The following CNTNAP2 variants were observed in gnomAD, a reference collection of about 807,000 sequenced individuals.
CNTNAP2 encodes the protein contactin-associated protein-like 2.
A neutral mutation model predicts 155.2 loss-of-function variants in CNTNAP2; 98 were observed. The observed-to-expected ratio is 0.63, with a 90% CI of 0.54 to 0.75. The LOEUF (loss-of-function observed/expected upper bound fraction) is 0.75. CNTNAP2 is among the 30% of genes least tolerant of loss of function. The pLI, the probability that CNTNAP2 is intolerant of heterozygous loss-of-function variation, is 0.00. For missense variants in CNTNAP2, 1,727 were observed against 1,688.1 expected (o/e 1.02, Z -0.40); for synonymous variants, 651 against 631.2 (o/e 1.03, Z -0.47).
At chr7:148,137,114 TACA>T (rs1003413316) in intron 16 of CNTNAP2, among the ~76,000 whole-genome samples, 2 of 152,216 alleles carry the variant, frequency 1.3e-5, no homozygotes, top group African/African-American at 4.8e-5. Flanking sequence ...CTAACTCTTC[TACA>T]ACTTTAAAGG....
At chr7:148,382,924 T>C (rs1316979455) in intron 21 of CNTNAP2, among the ~76,000 whole-genome samples, 1 of 152,212 alleles carries the variant, frequency 6.6e-6, no homozygotes, top group East Asian at 1.9e-4. Flanking sequence ...GTGGGTACAT[T>C]GCACTTGTTA....
chr7:147,905,484 T>G (rs1218516553), intron 14 of CNTNAP2, among the ~76,000 whole-genome samples: 1 of 152,220 alleles, frequency 6.6e-6, no homozygotes, highest in Non-Finnish European at 1.5e-5. Context: ...GTATTTGTCC[T>G]CAGGAGCTCC....
At position 146,788,483 on chromosome 7, in the gene CNTNAP2, A is replaced by G. The variant is rs112659038; in HGVS notation, c.208+14102A>G. Among the ~76,000 whole-genome samples the G allele has an allele frequency of 5.8e-3, 882 of 152,338 alleles. 5 individuals carry two copies. Among genetic ancestry groups the G allele is most frequent in the African/African-American group, 0.02 (824 of 41,582 alleles). Reference sequence around the variant, plus strand: ...ATTAAATTTATTCCAACAAGAGGCTAATAAAGCAGAAATGATGACTTCTTT... The same window carrying G: ...ATTAAATTTATTCCAACAAGAGGCTGATAAAGCAGAAATGATGACTTCTTT... On this transcript the variant is annotated intron_variant, in intron 2 of 23. Coordinates refer to ENST00000361727, the MANE Select transcript of CNTNAP2 (RefSeq NM_014141.6).
intron 1 of CNTNAP2, among the ~76,000 whole-genome samples, chr7:146,123,632 T>C (rs1482430513): frequency 6.6e-6 from 1 of 152,208 alleles, no homozygotes; most frequent in Admixed American, 6.5e-5. Context: ...GGACTCACAA[T>C]TTTTATTTAC....
At chr7:148,232,243 A>G (rs1057228365) in intron 20 of CNTNAP2, among the ~76,000 whole-genome samples, 6 of 152,222 alleles carry the variant, frequency 3.9e-5, no homozygotes, top group Admixed American at 3.9e-4. Context: ...AGCAGATCCC[A>G]GGGCTTCTCA....
intron 14 of CNTNAP2, among the ~76,000 whole-genome samples, chr7:147,923,556 C>T (rs547865441): frequency 7.0e-4 from 106 of 152,112 alleles, no homozygotes; most frequent in Non-Finnish European, 1.3e-3. Context: ...GTCTGTCACC[C>T]AGGCTGAAAT....
At chr7:146,832,527 TAA>T (rs1456039028) in intron 2 of CNTNAP2, among the ~76,000 whole-genome samples, 1 of 148,014 alleles carries the variant, frequency 6.8e-6, no homozygotes, top group Admixed American at 6.8e-5. Flanking sequence ...ATGTACATAT[TAA>T]TATATATCAA....
At chr7:147,640,328 C>A (rs1371697336) in intron 13 of CNTNAP2, among the ~76,000 whole-genome samples, 2 of 151,986 alleles carry the variant, frequency 1.3e-5, no homozygotes, top group African/African-American at 4.8e-5. Flanking sequence ...ATACAATAGA[C>A]CTTTTGATAT....
intron 21 of CNTNAP2, among the ~76,000 whole-genome samples, chr7:148,324,809 A>G (rs1797862032): frequency 1.3e-5 from 2 of 151,436 alleles, no homozygotes; most frequent in African/African-American, 2.4e-5. Context: ...AAAAAAAAAG[A>G]GTAGGGATTT....
chr7:147,664,381 CT>C (rs1348986455), intron 13 of CNTNAP2, among the ~76,000 whole-genome samples: 1 of 152,188 alleles, frequency 6.6e-6, no homozygotes, highest in East Asian at 1.9e-4. Flanking sequence ...ACTTCTAAAG[CT>C]GCTGTGAGGT....
Position 148,148,473 on chromosome 7 carries a change from G to A in CNTNAP2, c.2773+764G>A, listed in dbSNP as rs553730005. Among the ~76,000 whole-genome samples the A allele has an allele frequency of 1.6e-3, 245 of 152,316 alleles. 1 individual carries two copies. The highest frequency in any genetic ancestry group is 5.6e-3 in the African/African-American group (231 of 41,574). The stretch of plus-strand genomic sequence containing the variant: ...CCTCTGTTGAATGAAATAAAGAAGT[G>A]AGTTTGAAGGACTTTGTGGATGCAT... On this transcript the variant is annotated intron_variant, in intron 17 of 23. Coordinates refer to ENST00000361727, the MANE Select transcript of CNTNAP2 (RefSeq NM_014141.6).
chr7:146,487,921 G>A (rs1318169512), intron 1 of CNTNAP2, among the ~76,000 whole-genome samples: 1 of 152,086 alleles, frequency 6.6e-6, no homozygotes, highest in East Asian at 1.9e-4. Context: ...ATCTGTAAGG[G>A]ACATTAAAGG....
chr7:147,701,551 C>T (rs988337360), intron 13 of CNTNAP2, among the ~76,000 whole-genome samples: 13 of 152,026 alleles, frequency 8.6e-5, no homozygotes, highest in African/African-American at 1.7e-4. Context: ...GAAGATCAGG[C>T]GAGAAATTTG....
At chr7:147,167,159 G>A (rs573768284) in intron 8 of CNTNAP2, among the ~76,000 whole-genome samples, 2 of 152,038 alleles carry the variant, frequency 1.3e-5, no homozygotes, top group East Asian at 3.9e-4. Flanking sequence ...ATTGATTCTT[G>A]TTATTCCTGT....
chr7:148,058,329 T>C (rs1213692566), intron 15 of CNTNAP2, among the ~76,000 whole-genome samples: 1 of 152,170 alleles, frequency 6.6e-6, no homozygotes, highest in Non-Finnish European at 1.5e-5. Flanking sequence ...CAGCAGCATC[T>C]GTTTATGCCA....
chr7:147,798,802 C>T (rs778278433), intron 13 of CNTNAP2, among the ~76,000 whole-genome samples: 2 of 152,060 alleles, frequency 1.3e-5, no homozygotes, highest in African/African-American at 4.8e-5. Context: ...TTAGAGGAGT[C>T]GATTTTGGGG....
chr7:148,310,943 A>G (rs1384486035), intron 21 of CNTNAP2, among the ~76,000 whole-genome samples: 1 of 152,220 alleles, frequency 6.6e-6, no homozygotes, highest in Non-Finnish European at 1.5e-5. Context: ...GCTGGGTATA[A>G]GTAAACAAGA....
intron 2 of CNTNAP2, among the ~76,000 whole-genome samples, chr7:146,823,297 C>T (rs1218378555): frequency 1.3e-5 from 2 of 149,528 alleles, no homozygotes; most frequent in Non-Finnish European, 3.0e-5. Context: ...ACTCATTCTT[C>T]AGTATAATTA....
At chr7:147,920,310 G>A (rs1800249673) in intron 14 of CNTNAP2, among the ~76,000 whole-genome samples, 1 of 139,854 alleles carries the variant, frequency 7.2e-6, no homozygotes, top group Non-Finnish European at 1.5e-5. Flanking sequence ...GAGCCGAGAT[G>A]GCACCACTGT....
Sources: allele counts gnomAD v4.1 joint callset (sites outside exome capture counted in the v4.1 genomes callset), GRCh38; gene constraint gnomAD v4.1.1; transcripts MANE v1.5; gene names NCBI Gene and HGNC (gene_info 2026-07-23, HGNC 2026-07-21).